The following KIAA0825 variants were observed in gnomAD, a reference collection of about 807,000 sequenced individuals.
KIAA0825 encodes KIAA0825.
A neutral mutation model predicts 147.6 loss-of-function variants in KIAA0825; 119 were observed. The ratio of observed to expected loss-of-function variants is 0.81; its 90% CI spans 0.69 to 0.94. KIAA0825 has a LOEUF of 0.94. Among genes scored for constraint, KIAA0825 ranks in the 40% least tolerant of loss-of-function variants. KIAA0825 has a pLI of 0.00. For synonymous variants in KIAA0825, 470 were observed against 518.1 expected (o/e 0.91, Z 1.26); for missense variants, 1,381 against 1,472.7 (o/e 0.94, Z 1.02).
At chr5:94,536,461 C>T (rs1057318064) in intron 3 of KIAA0825, among the ~76,000 whole-genome samples, 1 of 152,108 alleles carries the variant, frequency 6.6e-6, no homozygotes, top group Non-Finnish European at 1.5e-5. Flanking sequence ...GTCCTTTCTA[C>T]CAAAGAACAC....
At chr5:94,562,438 C>T (rs181986027) in intron 2 of KIAA0825, among the ~76,000 whole-genome samples, 72 of 152,308 alleles carry the variant, frequency 4.7e-4, no homozygotes, top group African/African-American at 1.6e-3. Context: ...ATGATCCAAG[C>T]TGCAAATAAT....
chr5:94,177,422 T>A (rs1415099259), intron 20 of KIAA0825, among the ~76,000 whole-genome samples: 1 of 152,100 alleles, frequency 6.6e-6, no homozygotes, highest in Non-Finnish European at 1.5e-5. Flanking sequence ...TTGTAGTCCA[T>A]TCCCATTCAT....
At chr5:94,440,848 C>A (rs1756991080) in intron 13 of KIAA0825, among the ~76,000 whole-genome samples, 1 of 151,980 alleles carries the variant, frequency 6.6e-6, no homozygotes, top group Admixed American at 6.6e-5. Context: ...TTTACTTTTC[C>A]CTTCTAAAAT....
At chr5:94,215,739 T>G (rs1773132963) in intron 20 of KIAA0825, among the ~76,000 whole-genome samples, 1 of 152,106 alleles carries the variant, frequency 6.6e-6, no homozygotes, top group African/African-American at 2.4e-5. Flanking sequence ...CTCCCTTGAT[T>G]CCTCGCACTC....
chr5:94,397,561 A>G (rs1478839186), intron 16 of KIAA0825, among the ~76,000 whole-genome samples: 1 of 152,182 alleles, frequency 6.6e-6, no homozygotes, highest in Non-Finnish European at 1.5e-5. Context: ...ATATTTTCCA[A>G]GAAAAATGTA....
rs574549073 is a variant in KIAA0825 at position 94,452,846 on chromosome 5, C to T, written c.2357+113G>A. The T allele has an allele frequency of 2.9e-5, 16 of 546,460 alleles. No individual in the cohort carries two copies. The South Asian group carries it at 2.9e-4, about 10-fold the overall frequency. 33.9% of individuals were successfully genotyped at this position (546,460 alleles called of 1,614,324 possible). A position where few individuals can be genotyped will look rare whatever the true frequency, so the allele number is the denominator to read the frequency against. On this transcript the variant is annotated intron_variant, in intron 13 of 20. Coordinates refer to ENST00000682413, the MANE Select transcript of KIAA0825 (RefSeq NM_001145678.3). ...TACTTACCTGCCAATTGTGAAAAGT[C>T]GTAAGTTCTTTTTGTAAGATATAAG...
At chr5:94,174,864 C>T (rs1331433997) in intron 20 of KIAA0825, among the ~76,000 whole-genome samples, 1 of 152,028 alleles carries the variant, frequency 6.6e-6, no homozygotes, top group East Asian at 1.9e-4. Flanking sequence ...CAAATTTAAA[C>T]ATCTTCCTTC....
intron 20 of KIAA0825, among the ~76,000 whole-genome samples, chr5:94,320,681 G>C (rs1034570536): frequency 6.6e-6 from 1 of 151,958 alleles, no homozygotes; most frequent in African/African-American, 2.4e-5. Flanking sequence ...AGCCTAAAAT[G>C]GTTGTGATCC....
intron 5 of KIAA0825, among the ~76,000 whole-genome samples, chr5:94,501,662 G>T (rs1276852559): frequency 6.6e-6 from 1 of 152,058 alleles, no homozygotes; most frequent in African/African-American, 2.4e-5. Context: ...TTAATGACTT[G>T]ATGAATCTAT....
At chr5:94,365,079 G>A (rs947613842) in intron 20 of KIAA0825, among the ~76,000 whole-genome samples, 8 of 152,098 alleles carry the variant, frequency 5.3e-5, no homozygotes, top group South Asian at 2.1e-4. Flanking sequence ...CTATGTAAAC[G>A]TCACACCTGC....
intron 14 of KIAA0825, among the ~76,000 whole-genome samples, chr5:94,421,128 A>T (rs1340763830): frequency 2.0e-5 from 3 of 152,178 alleles, no homozygotes; most frequent in Non-Finnish European, 4.4e-5. Flanking sequence ...AGGGCCAGAC[A>T]CTTTATGTTT....
At chr5:94,495,879 C>A (rs1017064842) in intron 5 of KIAA0825, among the ~76,000 whole-genome samples, 1 of 152,106 alleles carries the variant, frequency 6.6e-6, no homozygotes, top group Non-Finnish European at 1.5e-5. Context: ...AAATAAGCAA[C>A]TTAGTTTTTA....
intron 20 of KIAA0825, among the ~76,000 whole-genome samples, chr5:94,320,401 T>A (rs1780050145): frequency 6.6e-6 from 1 of 151,960 alleles, no homozygotes; most frequent in Non-Finnish European, 1.5e-5. Context: ...ATTGTCACCC[T>A]ACTCTACCTT....
intron 2 of KIAA0825, among the ~76,000 whole-genome samples, chr5:94,555,949 A>T (rs1427078933): frequency 6.6e-6 from 1 of 152,200 alleles, no homozygotes; most frequent in African/African-American, 2.4e-5. Flanking sequence ...TAACTTGAAG[A>T]TCTGCATTAG....
chr5:94,169,439 G>C (rs780642175), intron 20 of KIAA0825, among the ~76,000 whole-genome samples: 4 of 151,984 alleles, frequency 2.6e-5, no homozygotes, highest in Non-Finnish European at 5.9e-5. Context: ...AAAATTAGCG[G>C]GGCATGGTGG....
intron 15 of KIAA0825, among the ~76,000 whole-genome samples, chr5:94,406,109 T>C (rs1482018816): frequency 1.3e-5 from 2 of 151,988 alleles, no homozygotes; most frequent in African/African-American, 2.4e-5. Flanking sequence ...GTATGTTTAG[T>C]AGAGATGGGG....
At chr5:94,307,023 C>G (rs149379269) in intron 20 of KIAA0825, among the ~76,000 whole-genome samples, 27 of 151,958 alleles carry the variant, frequency 1.8e-4, no homozygotes, top group African/African-American at 6.0e-4. Flanking sequence ...AACACCAACA[C>G]TTGCTACTCA....
chr5:94,303,136 CCA>C (rs1289199694), intron 20 of KIAA0825, among the ~76,000 whole-genome samples: 2 of 151,654 alleles, frequency 1.3e-5, no homozygotes, highest in Admixed American at 1.3e-4. Context: ...AACTTTTTTA[CCA>C]CACACAATTT....
chr5:94,249,254 C>T (rs1196433619), intron 20 of KIAA0825, among the ~76,000 whole-genome samples: 3 of 152,050 alleles, frequency 2.0e-5, no homozygotes, highest in Non-Finnish European at 4.4e-5. Flanking sequence ...TCCCACCTAG[C>T]AGACAAAAAT....
Sources: gnomAD v4.1 joint callset for allele counts (sites outside exome capture counted in the v4.1 genomes callset) on GRCh38, gnomAD v4.1.1 for gene constraint, MANE v1.5 for transcripts, NCBI Gene and HGNC (gene_info 2026-07-23, HGNC 2026-07-21) for gene names.